The following ACAD9 variants were observed in gnomAD, a reference collection of about 807,000 sequenced individuals.
The protein encoded by ACAD9 is complex I assembly factor ACAD9, mitochondrial.
A neutral mutation model predicts 70.2 loss-of-function variants in ACAD9; 53 were observed. That is an observed-to-expected ratio of 0.75 (90% CI 0.61 to 0.95). The LOEUF is 0.95. Ranked by LOEUF, ACAD9 falls within the 40% of genes least tolerant of loss-of-function variation. ACAD9 has a pLI of 0.00. For synonymous variants in ACAD9, 313 were observed against 312.1 expected, an observed-to-expected ratio of 1.00 and a Z score of -0.03; for missense variants, 777 against 802.8, an observed-to-expected ratio of 0.97 and a Z score of 0.39.
intron 1 of ACAD9, 130 bp from the exon 2 acceptor site, chr3:128,884,523 C>T: frequency 1.5e-6 from 1 of 673,272 alleles, no homozygotes; most frequent in Non-Finnish European, 2.6e-6. Context: ...CTTTCCAGTT[C>T]CTTCAGTACG....
At chr3:128,894,048 G>A (rs1488070190) in intron 3 of ACAD9, among the ~76,000 whole-genome samples, 5 of 152,112 alleles carry the variant, frequency 3.3e-5, no homozygotes, top group Non-Finnish European at 4.4e-5. Context: ...CCTCCCTTAC[G>A]CTTTTTCTCG....
chr3:128,908,733 GC>G (rs1935991419), intron 13 of ACAD9: 1 of 606,188 alleles, frequency 1.6e-6, no homozygotes, highest in Admixed American at 2.8e-5. Flanking sequence ...ACAGGAGACA[GC>G]TGCTGGGAAG....
chr3:128,888,562 GA>G (rs1353037638), intron 2 of ACAD9, among the ~76,000 whole-genome samples: 6 of 152,096 alleles, frequency 3.9e-5, no homozygotes, highest in African/African-American at 1.4e-4. Context: ...CTGGGTGACA[GA>G]GTGAGACTCC....
Position 128,912,941 on chromosome 3 carries a change from G to A in ACAD9, c.*334G>A, listed in dbSNP as rs1217307487. 5.9e-6 allele frequency: 3 copies of A among 512,534 alleles called. No individual in the cohort carries two copies. The highest frequency in any genetic ancestry group is 1.9e-5 in the African/African-American group (1 of 52,226). 31.7% of individuals were successfully genotyped at this position (512,534 alleles called of 1,614,324 possible). A position where few individuals can be genotyped will look rare whatever the true frequency, so the allele number is the denominator to read the frequency against. ...CTGCTGCCTCCAGGGTGTGAGGTGG[G>A]TGGGGACCTGTGTCAGGTGTGGATA... On this transcript the variant is annotated 3_prime_UTR_variant, in exon 18 of 18. Coordinates refer to ENST00000308982, the MANE Select transcript of ACAD9 (RefSeq NM_014049.5).
In ACAD9 at chr3:128,908,190, C is replaced by A. The variant is rs1233333628; in HGVS notation, c.1284C>A (p.Thr428=). The A allele has an allele frequency of 3.1e-6, 5 of 1,614,148 alleles. No individual in the cohort carries two copies. The highest frequency in any genetic ancestry group is 4.2e-6 in the Non-Finnish European group (5 of 1,180,020). ...CTCTACACTACTGACCACAGGGAAC[C>A]AATGAGATTCTCCGGATGTACATCG... ...DTRILLIFEG[T]NEILRMYIAL... Residue 428 remains threonine, a synonymous_variant, in exon 13 of 18, where the codon ACC becomes ACA. Transcript: ENST00000308982.
Position 128,908,281 on chromosome 3 carries a change from C to T in ACAD9, c.1358+17C>T. ...CAGGATCCAGTAGGTGCCATTGTCA[C>T]CGTGTGCTTCTCAGGTCCCATACCT... On this transcript the variant is annotated intron_variant, in intron 13 of 17. Coordinates refer to ENST00000308982, the MANE Select transcript of ACAD9 (RefSeq NM_014049.5). 1 of 1,614,006 alleles carries T rather than the reference C, an allele frequency of 6.2e-7. No homozygotes were observed. Among genetic ancestry groups the T allele is most frequent in the Non-Finnish European group, 8.5e-7 (1 of 1,179,970 alleles).
chr3:128,903,548 C>T (rs931818922), intron 9 of ACAD9, among the ~76,000 whole-genome samples: 5 of 152,152 alleles, frequency 3.3e-5, no homozygotes, highest in Admixed American at 2.6e-4. Flanking sequence ...GGGAGAGGCG[C>T]CATGTCACTC....
intron 4 of ACAD9, 113 bp from the exon 5 acceptor site, chr3:128,896,323 C>T (rs1205186419): frequency 8.6e-7 from 1 of 1,157,346 alleles, no homozygotes; most frequent in East Asian, 2.5e-5. Flanking sequence ...TGAGTTCTTG[C>T]TGTCTTCTCT....
At chr3:128,900,090 C>G (rs563717801) in intron 7 of ACAD9, among the ~76,000 whole-genome samples, 3 of 152,196 alleles carry the variant, frequency 2.0e-5, no homozygotes, top group South Asian at 2.1e-4. Context: ...CACCACCACA[C>G]CTGGCTAATT....
intron 7 of ACAD9, among the ~76,000 whole-genome samples, chr3:128,899,932 G>A (rs1441647274): frequency 2.0e-5 from 3 of 152,130 alleles, no homozygotes; most frequent in East Asian, 3.9e-4. Flanking sequence ...AGCCATATAA[G>A]TACTATTTTT....
At position 128,913,016 on chromosome 3, in the gene ACAD9, G is replaced by C. The variant is rs975752171; in HGVS notation, c.*409G>C. Reference sequence around the variant, plus strand: ...CTCTAAGAAACAGCTTGAAAGCTCTGTCTGGGTCATTCATTTAAACTAGAA... The same window carrying C: ...CTCTAAGAAACAGCTTGAAAGCTCTCTCTGGGTCATTCATTTAAACTAGAA... On this transcript the variant is annotated 3_prime_UTR_variant, in exon 18 of 18. Transcript: ENST00000308982. The C allele has an allele frequency of 2.2e-6, 1 of 459,172 alleles. No homozygotes were observed. Among genetic ancestry groups the C allele is most frequent in the Non-Finnish European group, 4.3e-6 (1 of 230,198 alleles). 28.4% of individuals were successfully genotyped at this position (459,172 alleles called of 1,614,324 possible).
At chr3:128,896,325 G>C in intron 4 of ACAD9, 111 bp from the exon 5 acceptor site, 1 of 1,189,380 alleles carries the variant, frequency 8.4e-7, no homozygotes, top group African/African-American at 1.5e-5. Context: ...AGTTCTTGCT[G>C]TCTTCTCTTG....
chr3:128,906,078 G>C lies in ACAD9; in HGVS notation c.1150-43G>C, dbSNP rs199779157. 1.2e-3 allele frequency: 1,858 copies of C among 1,613,752 alleles called. 3 individuals are homozygous for C. The highest frequency in any genetic ancestry group is 1.5e-3 in the Non-Finnish European group (1,732 of 1,179,992). On this transcript the variant is annotated intron_variant, in intron 11 of 17. Coordinates refer to ENST00000308982, the MANE Select transcript of ACAD9 (RefSeq NM_014049.5). ...CCCCAGCCACCCAGCTCCCTGCAGC[G>C]TAGGTCCTCCTTTTGGAAAGGATTC... is the stretch of plus-strand genomic sequence containing the variant.
At chr3:128,892,039 G>A (rs1293894183) in intron 2 of ACAD9, among the ~76,000 whole-genome samples, 2 of 152,144 alleles carry the variant, frequency 1.3e-5, no homozygotes, top group South Asian at 2.1e-4. Context: ...AAAGAAGCCC[G>A]GGAAAATAGG....
chr3:128,907,251 C>T (rs1225080341), intron 12 of ACAD9, among the ~76,000 whole-genome samples: 7 of 152,112 alleles, frequency 4.6e-5, no homozygotes, highest in African/African-American at 1.7e-4. Flanking sequence ...TGCTTTTGTT[C>T]CTGGCCTACC....
chr3:128,912,385 T>G (rs1004887354), intron 17 of ACAD9, 122 bp from the exon 18 acceptor site: 2 of 800,516 alleles, frequency 2.5e-6, no homozygotes, highest in African/African-American at 3.4e-5. Context: ...GAGGAGGGGT[T>G]CACCCTTAGG....
intron 2 of ACAD9, among the ~76,000 whole-genome samples, chr3:128,888,772 A>G (rs1314208782): frequency 3.3e-5 from 5 of 152,204 alleles, no homozygotes; most frequent in Admixed American, 3.3e-4. Flanking sequence ...ATATATAAAC[A>G]TAATTTATAA....
chr3:128,883,967 C>T (rs1935170177), intron 1 of ACAD9, among the ~76,000 whole-genome samples: 1 of 152,174 alleles, frequency 6.6e-6, no homozygotes, highest in African/African-American at 2.4e-5. Context: ...TGCTCAACAG[C>T]CTGAAGCCCA....
At chr3:128,911,029 G>GTA (rs1326009034) in intron 17 of ACAD9, among the ~76,000 whole-genome samples, 2 of 152,174 alleles carry the variant, frequency 1.3e-5, no homozygotes, top group Admixed American at 6.5e-5. Context: ...GCAGTTGTAT[G>GTA]TATATATGTG....
Sources: gnomAD v4.1 joint callset for allele counts (sites outside exome capture counted in the v4.1 genomes callset) on GRCh38, gnomAD v4.1.1 for gene constraint, MANE v1.5 for transcripts, NCBI Gene and HGNC (gene_info 2026-07-23, HGNC 2026-07-21) for gene names.